The following ITSN1 variants were observed in gnomAD, a reference collection of about 807,000 sequenced individuals.
ITSN1 encodes the protein intersectin-1.
A neutral mutation model predicts 239.8 loss-of-function variants in ITSN1; 58 were observed. The ratio of observed to expected loss-of-function variants is 0.24; its 90% CI spans 0.20 to 0.30. The LOEUF (loss-of-function observed/expected upper bound fraction) is 0.30. Among genes scored for constraint, ITSN1 ranks in the 10% least tolerant of loss-of-function variants. The pLI is 1.00. For synonymous variants in ITSN1, 780 were observed against 770.8 expected, an observed-to-expected ratio of 1.01 and a Z score of -0.20; for missense variants, 1,558 against 2,103.3, an observed-to-expected ratio of 0.74 and a Z score of 5.07.
rs139275183 is a variant in ITSN1 at position 33,813,985 on chromosome 21, C to T, written c.2640C>T (p.Thr880=). ...CATGGGCAGCCCAGCCCTCTCTCAC[C>T]GTTCCAAGTGCCGGCCAGTTAAGGC... The part of the protein sequence containing the change: ...WDAWAAQPSL[T]VPSAGQLRQR... Residue 880 remains threonine (T), a synonymous_variant, in exon 22 of 40, where the codon ACC becomes ACT. Transcript: ENST00000381318. 33 of 1,614,154 alleles carry T rather than the reference C, an allele frequency of 2.0e-5. No individual in the cohort carries two copies. The highest frequency in any genetic ancestry group is 6.7e-5 in the East Asian group (3 of 44,884).
At chr21:33,734,999 C>A (rs770549281) in intron 4 of ITSN1, 45 bp from the exon 5 acceptor site, 1 of 1,546,740 alleles carries the variant, frequency 6.5e-7, no homozygotes, top group Non-Finnish European at 8.7e-7. Context: ...TGGAAAGGTT[C>A]TTTTATGGTC....
chr21:33,821,722 C>G (rs796931949), intron 24 of ITSN1, among the ~76,000 whole-genome samples: 29 of 152,302 alleles, frequency 1.9e-4, no homozygotes, highest in African/African-American at 6.5e-4. Context: ...AGCCAGAGTT[C>G]ATGTTTCTGA....
intron 26 of ITSN1, chr21:33,829,392 G>T: frequency 1.9e-6 from 1 of 529,374 alleles, no homozygotes; most frequent in Non-Finnish European, 3.4e-6. Context: ...GATGACAAGG[G>T]AGTCTGCAGC....
intron 36 of ITSN1, among the ~76,000 whole-genome samples, chr21:33,884,691 A>T (rs747911690): frequency 1.6e-4 from 24 of 152,146 alleles, no homozygotes; most frequent in Non-Finnish European, 2.4e-4. Context: ...CATAAGCGAG[A>T]TCCTTCTGGC....
intron 1 of ITSN1, among the ~76,000 whole-genome samples, chr21:33,646,069 TAA>T (rs1161737444): frequency 6.6e-6 from 1 of 151,854 alleles, no homozygotes; most frequent in East Asian, 1.9e-4. Flanking sequence ...GCCAATCTTT[TAA>T]AAGTTACTTG....
intron 1 of ITSN1, among the ~76,000 whole-genome samples, chr21:33,663,683 A>G (rs56361495): frequency 1.6e-3 from 239 of 152,176 alleles, no homozygotes; most frequent in African/African-American, 5.4e-3. Flanking sequence ...GCTTACCGCA[A>G]CCTCCACCTC....
At chr21:33,697,600 A>C (rs1050733935) in intron 1 of ITSN1, among the ~76,000 whole-genome samples, 1 of 152,136 alleles carries the variant, frequency 6.6e-6, no homozygotes, top group Non-Finnish European at 1.5e-5. Flanking sequence ...TCTCATTATT[A>C]ATTTGGCTGT....
intron 1 of ITSN1, among the ~76,000 whole-genome samples, chr21:33,692,855 C>T (rs933840872): frequency 1.3e-5 from 2 of 152,024 alleles, no homozygotes; most frequent in African/African-American, 4.8e-5. Flanking sequence ...ACTGCACCCT[C>T]TGCCTCCCAG....
chr21:33,834,263 A>G (rs754089456), intron 27 of ITSN1, 44 bp from the exon 28 acceptor site: 1 of 1,406,056 alleles, frequency 7.1e-7, no homozygotes, highest in African/African-American at 1.4e-5. Context: ...GTATTATAAA[A>G]GATGCGCCTT....
intron 4 of ITSN1, among the ~76,000 whole-genome samples, chr21:33,726,182 C>CA (rs2065822764): frequency 1.3e-5 from 2 of 152,228 alleles, no homozygotes; most frequent in Admixed American, 1.3e-4. Flanking sequence ...TTAGTAGAGA[C>CA]AGGTTTTCAC....
In ITSN1 at chr21:33,761,987, G is replaced by C. The variant is rs2068365671; in HGVS notation, c.788+1G>C. ...CACAGGCTCAGCTGGCTTCAATATG[G>C]TAAGGAATGAAAAGTTCTTTGGTTT... On this transcript the variant is annotated splice_donor_variant, in intron 9 of 39. Coordinates refer to ENST00000381318, the MANE Select transcript of ITSN1 (RefSeq NM_003024.3). LOFTEE classifies it high-confidence loss of function. 1 of 1,610,148 alleles carries C rather than the reference G, an allele frequency of 6.2e-7. No individual in the cohort carries two copies.
chr21:33,752,381 G>T (rs953863493), intron 7 of ITSN1, among the ~76,000 whole-genome samples: 6 of 151,948 alleles, frequency 3.9e-5, no homozygotes, highest in Non-Finnish European at 8.8e-5. Context: ...TATTAAAGAC[G>T]ATTTATTATG....
rs1986226599 is a variant in ITSN1, at chr21:33,889,683, T to G, written c.*1383T>G. On this transcript the variant is annotated 3_prime_UTR_variant, in exon 40 of 40. Transcript: ENST00000381318. Reference sequence around the variant, plus strand: ...TGTCCTTTGCATGTTCTGTTGGTACTGGAGTCTAGCTTTCCTGTACTAGAT... The same window carrying G: ...TGTCCTTTGCATGTTCTGTTGGTACGGGAGTCTAGCTTTCCTGTACTAGAT... 6.6e-6 allele frequency: 1 copy of G among 152,254 alleles called. No homozygotes were observed. Among genetic ancestry groups the G allele is most frequent in the African/African-American group, 2.4e-5 (1 of 41,466 alleles). 9.4% of individuals were successfully genotyped at this position (152,254 alleles called of 1,614,324 possible).
chr21:33,670,932 A>G (rs952454444), intron 1 of ITSN1, among the ~76,000 whole-genome samples: 3 of 152,238 alleles, frequency 2.0e-5, no homozygotes, highest in Non-Finnish European at 2.9e-5. Flanking sequence ...GGTAAAATAC[A>G]AAACAGTCTT....
intron 4 of ITSN1, among the ~76,000 whole-genome samples, chr21:33,725,684 T>C (rs908102157): frequency 6.6e-6 from 1 of 152,242 alleles, no homozygotes; most frequent in African/African-American, 2.4e-5. Flanking sequence ...GTATATTAAT[T>C]AAAGATGGTA....
intron 1 of ITSN1, among the ~76,000 whole-genome samples, chr21:33,686,718 G>T (rs926461958): frequency 6.6e-6 from 1 of 152,010 alleles, no homozygotes; most frequent in African/African-American, 2.4e-5. Context: ...TGATCTACTT[G>T]TCTAACCACT....
chr21:33,670,482 C>CTT (rs34091306), intron 1 of ITSN1, among the ~76,000 whole-genome samples: 4 of 146,190 alleles, frequency 2.7e-5, no homozygotes, highest in African/African-American at 5.0e-5. Flanking sequence ...ATGAAAATCG[C>CTT]TTTTTTTTTT....
intron 2 of ITSN1, among the ~76,000 whole-genome samples, chr21:33,719,157 C>T (rs531642933): frequency 6.6e-5 from 10 of 152,180 alleles, no homozygotes; most frequent in South Asian, 2.1e-4. Flanking sequence ...TTTACAATAC[C>T]GGGCCGGGCA....
chr21:33,790,745 C>T, intron 16 of ITSN1, among the ~76,000 whole-genome samples: 1 of 152,148 alleles, frequency 6.6e-6, no homozygotes, highest in East Asian at 1.9e-4. Context: ...AATCAAGTTG[C>T]CTACCAGGAA....
Sources: allele counts gnomAD v4.1 joint callset (sites outside exome capture counted in the v4.1 genomes callset), GRCh38; gene constraint gnomAD v4.1.1; transcripts MANE v1.5; gene names NCBI Gene and HGNC (gene_info 2026-07-23, HGNC 2026-07-21).